CTNNA2: variants seen among roughly 807,000 people sequenced by gnomAD.
The protein encoded by CTNNA2 is catenin alpha-2.
In CTNNA2, 42 loss-of-function variants were observed where a neutral mutation model predicts 101.0. The observed-to-expected ratio is 0.42, with a 90% CI of 0.32 to 0.54. The LOEUF (loss-of-function observed/expected upper bound fraction) is 0.54. Ranked by LOEUF, CTNNA2 falls within the 20% of genes least tolerant of loss-of-function variation. The pLI is 0.14. For synonymous variants in CTNNA2, 450 were observed against 456.4 expected, an observed-to-expected ratio of 0.99 and a Z score of 0.18; for missense variants, 871 against 1,223.1, an observed-to-expected ratio of 0.71 and a Z score of 4.29.
intron 7 of CTNNA2, among the ~76,000 whole-genome samples, chr2:80,093,909 T>A (rs1308197175): frequency 6.6e-6 from 1 of 152,036 alleles, no homozygotes. Context: ...ATATTAGCCC[T>A]TTGTCAGATG....
intron 7 of CTNNA2, among the ~76,000 whole-genome samples, chr2:80,012,581 G>A (rs1693866750): frequency 6.6e-6 from 1 of 152,144 alleles, no homozygotes; most frequent in Non-Finnish European, 1.5e-5. Flanking sequence ...CAACTCTCCT[G>A]TCATGGCATG....
At chr2:80,608,551 A>C (rs929760177) in intron 17 of CTNNA2, 23 of 342,066 alleles carry the variant, frequency 6.7e-5, no homozygotes, top group Non-Finnish European at 1.0e-4. Flanking sequence ...CATTCTTCAC[A>C]AGAAAACTAA....
At chr2:79,231,950 C>G (rs755898951) in intron 2 of CTNNA2, among the ~76,000 whole-genome samples, 1 of 151,880 alleles carries the variant, frequency 6.6e-6, no homozygotes, top group African/African-American at 2.4e-5. Context: ...GTTCCAGGAG[C>G]CTTTGGGTGG....
At chr2:79,221,365 C>T (rs1674343425) in intron 2 of CTNNA2, among the ~76,000 whole-genome samples, 1 of 152,140 alleles carries the variant, frequency 6.6e-6, no homozygotes, top group Non-Finnish European at 1.5e-5. Context: ...GTTTCCCAGA[C>T]TTGTCTCAAA....
intron 9 of CTNNA2, among the ~76,000 whole-genome samples, chr2:80,520,535 C>G (rs933022906): frequency 6.6e-6 from 1 of 152,126 alleles, no homozygotes; most frequent in Non-Finnish European, 1.5e-5. Flanking sequence ...CTAGCATGGT[C>G]GGGTTCTGAT....
At chr2:79,481,106 T>A (rs546911197) in intron 4 of CTNNA2, among the ~76,000 whole-genome samples, 1 of 152,252 alleles carries the variant, frequency 6.6e-6, no homozygotes, top group South Asian at 2.1e-4. Context: ...AATAAAAAGT[T>A]TTTTAAAAAC....
chr2:79,840,751 A>G (rs1679731672), intron 3 of CTNNA2, among the ~76,000 whole-genome samples: 1 of 135,540 alleles, frequency 7.4e-6, no homozygotes, highest in Non-Finnish European at 1.5e-5. Flanking sequence ...CAGGCAGGAC[A>G]GCGAGACTAC....
At chr2:79,338,575 A>ATCTTCTTCTTCTTCTTCT (rs1239699778) in intron 3 of CTNNA2, among the ~76,000 whole-genome samples, 1,206 of 115,456 alleles carry the variant, frequency 0.01, 56 homozygotes, top group Middle Eastern at 0.021. Flanking sequence ...CTTCCTCCTC[A>ATCTTCTTCTTCTTCTTCT]TCATCTTCTT....
chr2:80,594,824 T>C (rs1185724968), intron 15 of CTNNA2, among the ~76,000 whole-genome samples: 1 of 144,458 alleles, frequency 6.9e-6, no homozygotes, highest in East Asian at 2.3e-4. Context: ...TTTGACCTTA[T>C]ATATATATAT....
intron 2 of CTNNA2, among the ~76,000 whole-genome samples, chr2:79,276,732 C>T (rs767784494): frequency 2.8e-4 from 42 of 151,978 alleles, no homozygotes; most frequent in Admixed American, 5.2e-4. Context: ...GTAATCTATG[C>T]GTTTTCTCCT....
chr2:79,925,483 C>T (rs1473826757), intron 7 of CTNNA2, among the ~76,000 whole-genome samples: 1 of 152,038 alleles, frequency 6.6e-6, no homozygotes, highest in East Asian at 1.9e-4. Flanking sequence ...CTTAAAATTT[C>T]CCTAAAAATT....
intron 7 of CTNNA2, among the ~76,000 whole-genome samples, chr2:80,186,588 T>C (rs77599217): frequency 0.054 from 8,158 of 152,322 alleles, 339 homozygotes; most frequent in Non-Finnish European, 0.084. Flanking sequence ...TGTTTGTATT[T>C]TAGCCTGATA....
intron 9 of CTNNA2, among the ~76,000 whole-genome samples, chr2:80,526,007 C>G (rs541707608): frequency 1.2e-3 from 178 of 152,268 alleles, no homozygotes; most frequent in African/African-American, 4.0e-3. Context: ...ACCTAATACT[C>G]TCTTAGCTTC....
In CTNNA2 at chr2:80,648,109, T is replaced by G; in HGVS notation, c.*237T>G. On this transcript the variant is annotated 3_prime_UTR_variant, in exon 19 of 19. Transcript: ENST00000402739. ...TGGCACAGAGCTGTCCTTTGCAACA[T>G]TCTCATAAAATTGGGCACAGAGTTC... The G allele has an allele frequency of 3.0e-6, 1 of 333,704 alleles. No individual in the cohort carries two copies. The highest frequency in any genetic ancestry group is 5.4e-6 in the Non-Finnish European group (1 of 183,740). The allele number at this position is 333,704 out of a possible 1,614,324, so 20.7% of individuals were successfully genotyped here.
At chr2:79,627,863 T>C (rs569661551) in intron 1 of CTNNA2, among the ~76,000 whole-genome samples, 7 of 152,304 alleles carry the variant, frequency 4.6e-5, no homozygotes, top group African/African-American at 1.2e-4. Context: ...GCCTTAAAAG[T>C]ATACTTTTCA....
intron 12 of CTNNA2, among the ~76,000 whole-genome samples, chr2:80,564,094 G>A (rs1693842514): frequency 6.6e-6 from 1 of 152,140 alleles, no homozygotes; most frequent in Non-Finnish European, 1.5e-5. Flanking sequence ...TATTCTGGGG[G>A]ATTAAACCCT....
intron 7 of CTNNA2, among the ~76,000 whole-genome samples, chr2:80,163,560 G>A (rs1704472459): frequency 6.6e-6 from 1 of 152,098 alleles, no homozygotes; most frequent in Non-Finnish European, 1.5e-5. Context: ...ATGGACACTT[G>A]AAGAGAATCT....
chr2:80,002,900 G>A (rs1693056310), intron 7 of CTNNA2, among the ~76,000 whole-genome samples: 5 of 151,946 alleles, frequency 3.3e-5, no homozygotes, highest in Admixed American at 2.6e-4. Context: ...AGCCACACAC[G>A]AACTAAATGC....
At chr2:80,618,944 C>A (rs1007013232) in intron 17 of CTNNA2, 141 bp from the exon 18 acceptor site, 1 of 485,012 alleles carries the variant, frequency 2.1e-6, no homozygotes, top group East Asian at 3.2e-5. Flanking sequence ...TCTTTCAGCA[C>A]GTAATTCCTT....
Sources: gnomAD v4.1 joint callset for allele counts (sites outside exome capture counted in the v4.1 genomes callset) on GRCh38, gnomAD v4.1.1 for gene constraint, MANE v1.5 for transcripts, NCBI Gene and HGNC (gene_info 2026-07-23, HGNC 2026-07-21) for gene names.